DDI2: variants seen among roughly 807,000 people sequenced by gnomAD.
DDI2 encodes DDI proteasomal shuttling factor 2.
A neutral mutation model predicts 48.1 loss-of-function variants in DDI2; 5 were observed. The observed-to-expected ratio is 0.10, with a 90% CI of 0.05 to 0.22. The LOEUF (loss-of-function observed/expected upper bound fraction) is 0.22, where lower values mean the gene tolerates loss of function less well. DDI2 is among the 10% of genes least tolerant of loss of function. The pLI is 1.00. For synonymous variants in DDI2, 205 were observed against 183.6 expected (o/e 1.12, Z -0.94); for missense variants, 285 against 506.2 (o/e 0.56, Z 4.19).
chr1:15,639,758 G>T (rs575738504), intron 5 of DDI2, among the ~76,000 whole-genome samples: 2 of 152,184 alleles, frequency 1.3e-5, no homozygotes, highest in Non-Finnish European at 2.9e-5. Context: ...TGTAATTCCA[G>T]CATTTTGGGA....
At chr1:15,632,112 G>T (rs1003102713) in intron 3 of DDI2, among the ~76,000 whole-genome samples, 1 of 152,064 alleles carries the variant, frequency 6.6e-6, no homozygotes, top group Non-Finnish European at 1.5e-5. Context: ...CTCGTGTTAG[G>T]CTTTTCACTC....
intron 6 of DDI2, among the ~76,000 whole-genome samples, chr1:15,644,329 G>T (rs1366325350): frequency 6.6e-6 from 1 of 152,056 alleles, no homozygotes; most frequent in African/African-American, 2.4e-5. Flanking sequence ...TTTTTTATCT[G>T]CCCCTCAGTT....
intron 2 of DDI2, among the ~76,000 whole-genome samples, chr1:15,628,104 T>A (rs1051344310): frequency 1.3e-5 from 2 of 152,126 alleles, no homozygotes; most frequent in African/African-American, 4.8e-5. Flanking sequence ...CAAGAGAGCC[T>A]GTAACAGGTT....
rs937129457 is a variant in DDI2 at position 15,662,819 on chromosome 1, G to C, written c.*3029G>C. Reference sequence around the variant, plus strand: ...AGTGTCCTTTGTGGCAGTGGAAATAGTAATTACAGTTTCTGACTTAAGTGG... The same window carrying C: ...AGTGTCCTTTGTGGCAGTGGAAATACTAATTACAGTTTCTGACTTAAGTGG... On this transcript the variant is annotated 3_prime_UTR_variant, in exon 10 of 10. Transcript: ENST00000480945. 3 of 152,338 alleles carry C rather than the reference G, an allele frequency of 2.0e-5. 1 individual carries two copies. Among genetic ancestry groups the C allele is most frequent in the East Asian group, 3.9e-4 (2 of 5,188 alleles). The allele number at this position is 152,338 out of a possible 1,614,324, so 9.4% of individuals were successfully genotyped here. A position where few individuals can be genotyped will look rare whatever the true frequency, so the allele number is the denominator to read the frequency against.
rs374921628 is a variant in DDI2 at position 15,659,846 on chromosome 1, G to C, written c.*56G>C. 5 of 1,534,004 alleles carry C rather than the reference G, an allele frequency of 3.3e-6. No homozygotes were observed. Among genetic ancestry groups the C allele is most frequent in the Non-Finnish European group, 1.7e-6 (2 of 1,146,576 alleles). ...CCTGTGTTCCATATAGAGAAAAGTG[G>C]TAAAGAATCTACCTCACTGGGAATG... On this transcript the variant is annotated 3_prime_UTR_variant, in exon 10 of 10. Transcript: ENST00000480945.
At chr1:15,637,364 T>G (rs576842277) in intron 4 of DDI2, among the ~76,000 whole-genome samples, 6 of 152,256 alleles carry the variant, frequency 3.9e-5, no homozygotes, top group Non-Finnish European at 5.9e-5. Flanking sequence ...TGTGAACCAC[T>G]GCACCTGGCA....
At chr1:15,659,609 A>G (rs911771684) in intron 9 of DDI2, among the ~76,000 whole-genome samples, 2 of 152,228 alleles carry the variant, frequency 1.3e-5, no homozygotes, top group Non-Finnish European at 2.9e-5. Context: ...ATCACATTGA[A>G]TTACAGTATG....
chr1:15,651,197 C>G (rs1640176454), intron 7 of DDI2, among the ~76,000 whole-genome samples: 1 of 152,108 alleles, frequency 6.6e-6, no homozygotes, highest in Non-Finnish European at 1.5e-5. Flanking sequence ...GTGTATGTAT[C>G]AATAAAACCT....
chr1:15,639,308 TCTCA>T (rs1160970270), intron 5 of DDI2, among the ~76,000 whole-genome samples: 2 of 152,122 alleles, frequency 1.3e-5, no homozygotes, highest in Admixed American at 6.5e-5. Flanking sequence ...TTCTGGGTTG[TCTCA>T]CTCAAGGCTG....
At chr1:15,642,188 A>G (rs752987803) in intron 5 of DDI2, among the ~76,000 whole-genome samples, 3 of 152,190 alleles carry the variant, frequency 2.0e-5, no homozygotes, top group Non-Finnish European at 2.9e-5. Flanking sequence ...AGAAATGTCC[A>G]GTGCACAAGA....
At chr1:15,618,475 C>A (rs1304969789) in intron 1 of DDI2, among the ~76,000 whole-genome samples, 1 of 152,132 alleles carries the variant, frequency 6.6e-6, no homozygotes, top group African/African-American at 2.4e-5. Flanking sequence ...TGTTTCGGTT[C>A]TACCCTGGTA....
chr1:15,644,587 G>GTTTTTTTTTTTTTTTTTTTTTTTTTTTTT, intron 6 of DDI2, among the ~76,000 whole-genome samples: 1 of 57,824 alleles, frequency 1.7e-5, no homozygotes, highest in Non-Finnish European at 3.0e-5. Flanking sequence ...AGTTTTTTTT[G>GTTTTTTTTTTTTTTTTTTTTTTTTTTTTT]TTTTTTTTTT....
intron 5 of DDI2, among the ~76,000 whole-genome samples, chr1:15,641,109 G>A (rs1488742086): frequency 6.6e-6 from 1 of 152,190 alleles, no homozygotes; most frequent in Non-Finnish European, 1.5e-5. Flanking sequence ...ATGGTGGTTT[G>A]AAACTAATCT....
chr1:15,645,435 G>A (rs1640075908), intron 6 of DDI2, among the ~76,000 whole-genome samples: 1 of 152,160 alleles, frequency 6.6e-6, no homozygotes, highest in Non-Finnish European at 1.5e-5. Context: ...TTGTCCTCTA[G>A]TTTTCTTCTC....
At position 15,668,316 on chromosome 1, in the gene DDI2, C is replaced by T. The variant is rs1640484268; in HGVS notation, c.*8526C>T. ...CAGACTTATTTTTCCTTTCCTGAAT[C>T]TTCACAGCTGAGTTTATGGCACCCA... On this transcript the variant is annotated 3_prime_UTR_variant, in exon 10 of 10. Coordinates refer to ENST00000480945, the MANE Select transcript of DDI2 (RefSeq NM_032341.5). The T allele has an allele frequency of 6.6e-6, 1 of 152,130 alleles. No homozygotes were observed. The highest frequency in any genetic ancestry group is 1.5e-5 in the Non-Finnish European group (1 of 68,032). The allele number at this position is 152,130 out of a possible 1,614,324, so 9.4% of individuals were successfully genotyped here.
intron 8 of DDI2, among the ~76,000 whole-genome samples, chr1:15,654,888 C>T (rs745433684): frequency 2.0e-5 from 3 of 150,498 alleles, no homozygotes; most frequent in African/African-American, 4.9e-5. Flanking sequence ...TCATCTTAGT[C>T]GTGATGCTGT....
rs1377991416 is a variant in DDI2 at position 15,661,728 on chromosome 1, G to A, written c.*1938G>A. The A allele has an allele frequency of 4.4e-6, 7 of 1,600,538 alleles. No homozygotes were observed. In the Admixed American group the frequency reaches 1.2e-4, roughly 27 times the overall value. The stretch of plus-strand genomic sequence containing the variant: ...ACATCGTAGTTCCTACATGACTGTG[G>A]GAAAGTGGGCTAGACCGTTCTCCAT... On this transcript the variant is annotated 3_prime_UTR_variant, in exon 10 of 10. Transcript: ENST00000480945.
At chr1:15,622,702 T>C (rs1570964901) in intron 1 of DDI2, among the ~76,000 whole-genome samples, 1 of 152,218 alleles carries the variant, frequency 6.6e-6, no homozygotes, top group African/African-American at 2.4e-5. Context: ...TTTGAAGCCA[T>C]GTCTAATAGA....
intron 5 of DDI2, among the ~76,000 whole-genome samples, chr1:15,641,835 A>G (rs1333311837): frequency 6.6e-6 from 1 of 151,832 alleles, no homozygotes; most frequent in Non-Finnish European, 1.5e-5. Flanking sequence ...CTTGCATGTA[A>G]TCCCAGCTAC....
Sources: gnomAD v4.1 joint callset for allele counts (sites outside exome capture counted in the v4.1 genomes callset) on GRCh38, gnomAD v4.1.1 for gene constraint, MANE v1.5 for transcripts, NCBI Gene and HGNC (gene_info 2026-07-23, HGNC 2026-07-21) for gene names.